Variants in ZCWPW2 observed in about 807,000 individuals in gnomAD.
ZCWPW2 encodes the protein zinc finger CW-type PWWP domain protein 2.
In ZCWPW2, 45 loss-of-function variants were observed where a neutral mutation model predicts 46.6. The ratio of observed to expected loss-of-function variants is 0.96; its 90% CI spans 0.76 to 1.24. The LOEUF (loss-of-function observed/expected upper bound fraction) is 1.24, where lower values mean the gene tolerates loss of function less well. Among genes scored for constraint, ZCWPW2 ranks in the 50% most tolerant of loss-of-function variants. The probability of loss-of-function intolerance (pLI) is 0.00; values close to 1 mark genes in which losing one functional copy is unlikely to be tolerated. For synonymous variants in ZCWPW2, 152 were observed against 137.1 expected, an observed-to-expected ratio of 1.11 and a Z score of -0.76; for missense variants, 429 against 403.9, an observed-to-expected ratio of 1.06 and a Z score of -0.53.
At chr3:28,390,168 C>G (rs1695430254) in intron 1 of ZCWPW2, among the ~76,000 whole-genome samples, 1 of 152,154 alleles carries the variant, frequency 6.6e-6, no homozygotes, top group African/African-American at 2.4e-5. Flanking sequence ...GGCAACACAA[C>G]AAAGAATATC....
chr3:28,489,664 G>GCA lies in ZCWPW2; in HGVS notation c.611-2462_611-2461insAC, dbSNP rs1462929033. 3.4e-3 allele frequency among the ~76,000 whole-genome samples: 200 copies of GCA among 58,072 alleles called. 2 individuals are homozygous for GCA. Among genetic ancestry groups the GCA allele is most frequent in the African/African-American group, 0.011 (189 of 16,708 alleles). 38.1% of individuals were successfully genotyped at this position (58,072 alleles called of 152,430 possible). On this transcript the variant is annotated intron_variant, in intron 5 of 9. Transcript: ENST00000383768. ...CTTTCTCTCTCTTTCACACACACAC[G>GCA]CGCGCACACACACACACACACACAC... is the stretch of plus-strand genomic sequence containing the variant.
chr3:28,420,064 G>A (rs969835526), intron 3 of ZCWPW2, among the ~76,000 whole-genome samples: 1 of 144,538 alleles, frequency 6.9e-6, no homozygotes, highest in Admixed American at 6.9e-5. Context: ...CCCTAATACC[G>A]AAAGTATAAT....
chr3:28,405,844 T>A (rs1407761109), intron 2 of ZCWPW2, among the ~76,000 whole-genome samples: 1 of 152,112 alleles, frequency 6.6e-6, no homozygotes, highest in Non-Finnish European at 1.5e-5. Flanking sequence ...AATGTCTCAA[T>A]CTTCTTAAAA....
intron 4 of ZCWPW2, among the ~76,000 whole-genome samples, chr3:28,454,485 T>G (rs2056878661): frequency 1.3e-5 from 2 of 152,206 alleles, no homozygotes; most frequent in Admixed American, 6.5e-5. Context: ...CACTTCTAAC[T>G]TTTATTTTAA....
At chr3:28,473,418 T>C (rs557680654) in intron 4 of ZCWPW2, among the ~76,000 whole-genome samples, 237 of 152,032 alleles carry the variant, frequency 1.6e-3, no homozygotes, top group African/African-American at 5.5e-3. Flanking sequence ...GAGGCTGCAC[T>C]GAGCCGAAAT....
At chr3:28,479,555 A>G (rs1032119443) in intron 5 of ZCWPW2, among the ~76,000 whole-genome samples, 1 of 152,206 alleles carries the variant, frequency 6.6e-6, no homozygotes, top group East Asian at 1.9e-4. Context: ...TCAGGGGTAC[A>G]TGTGCAGGCT....
chr3:28,473,527 A>G (rs986412699), intron 4 of ZCWPW2, among the ~76,000 whole-genome samples: 10 of 152,008 alleles, frequency 6.6e-5, no homozygotes, highest in African/African-American at 2.2e-4. Flanking sequence ...TCCCACTCCT[A>G]TGTATATACC....
intron 6 of ZCWPW2, among the ~76,000 whole-genome samples, chr3:28,513,383 C>T (rs2125833008): frequency 6.6e-6 from 1 of 151,796 alleles, no homozygotes. Flanking sequence ...ATGGTGTAGA[C>T]CTAGTGTTTT....
At chr3:28,362,710 A>G (rs757216840) in intron 1 of ZCWPW2, among the ~76,000 whole-genome samples, 1 of 152,146 alleles carries the variant, frequency 6.6e-6, no homozygotes, top group Non-Finnish European at 1.5e-5. Context: ...TAACCTAGCA[A>G]TCTCATTTCA....
At chr3:28,475,269 C>A (rs1027939314) in intron 4 of ZCWPW2, among the ~76,000 whole-genome samples, 5 of 152,156 alleles carry the variant, frequency 3.3e-5, no homozygotes, top group African/African-American at 1.2e-4. Flanking sequence ...TCTCCCAAAA[C>A]CAGTTTTCAA....
chr3:28,350,904 C>G (rs1704526613), intron 1 of ZCWPW2, among the ~76,000 whole-genome samples: 1 of 151,738 alleles, frequency 6.6e-6, no homozygotes, highest in Non-Finnish European at 1.5e-5. Context: ...TGATAGCCAA[C>G]TAGTTCAGTG....
At chr3:28,433,682 G>A (rs1230853980) in intron 3 of ZCWPW2, among the ~76,000 whole-genome samples, 2 of 149,452 alleles carry the variant, frequency 1.3e-5, no homozygotes, top group Non-Finnish European at 3.0e-5. Context: ...CTTGAACCCA[G>A]GAGACGGAGG....
chr3:28,355,508 T>A (rs143832362), intron 1 of ZCWPW2, among the ~76,000 whole-genome samples: 2,122 of 152,326 alleles, frequency 0.014, 47 homozygotes, highest in African/African-American at 0.048. Flanking sequence ...ACTTTAAAGT[T>A]CATATGGAAC....
intron 6 of ZCWPW2, among the ~76,000 whole-genome samples, chr3:28,503,799 A>T (rs912024746): frequency 6.6e-6 from 1 of 152,014 alleles, no homozygotes; most frequent in African/African-American, 2.4e-5. Flanking sequence ...TAAATGACAC[A>T]GACCTATTTT....
intron 1 of ZCWPW2, among the ~76,000 whole-genome samples, chr3:28,354,139 A>C (rs556749382): frequency 2.5e-4 from 38 of 151,484 alleles, no homozygotes; most frequent in Admixed American, 3.9e-4. Context: ...TGTGAAATTT[A>C]ACAACATGAT....
intron 2 of ZCWPW2, among the ~76,000 whole-genome samples, chr3:28,402,810 T>G (rs1045751670): frequency 6.6e-6 from 1 of 152,154 alleles, no homozygotes; most frequent in Non-Finnish European, 1.5e-5. Context: ...CATGATTATC[T>G]CAATAGACAC....
chr3:28,421,169 G>C (rs138603529), intron 3 of ZCWPW2, among the ~76,000 whole-genome samples: 1 of 152,132 alleles, frequency 6.6e-6, no homozygotes, highest in African/African-American at 2.4e-5. Context: ...TTCCAAGGGA[G>C]GGAAGGGTGC....
At chr3:28,437,123 C>A (rs998841447) in intron 4 of ZCWPW2, among the ~76,000 whole-genome samples, 5 of 152,130 alleles carry the variant, frequency 3.3e-5, no homozygotes. Flanking sequence ...ACCACTTACA[C>A]AAAAAATACT....
chr3:28,489,676 A>G (rs1439253957), intron 5 of ZCWPW2, among the ~76,000 whole-genome samples: 109 of 86,266 alleles, frequency 1.3e-3, no homozygotes, highest in African/African-American at 3.6e-3. Context: ...GCGCACACAC[A>G]CACACACACA....
Sources: allele counts gnomAD v4.1 joint callset (sites outside exome capture counted in the v4.1 genomes callset), GRCh38; gene constraint gnomAD v4.1.1; transcripts MANE v1.5; gene names NCBI Gene and HGNC (gene_info 2026-07-23, HGNC 2026-07-21).